The following FANCB variants were observed in gnomAD, a reference collection of about 807,000 sequenced individuals.
The protein encoded by FANCB is FA complementation group B.
Under a neutral mutation model 38.9 loss-of-function variants are expected in FANCB, and 5 were observed. The ratio of observed to expected loss-of-function variants is 0.13; its 90% CI spans 0.07 to 0.27. FANCB has a LOEUF of 0.27. Among genes scored for constraint, FANCB ranks in the 10% least tolerant of loss-of-function variants. FANCB has a pLI of 1.00. For synonymous variants in FANCB, 236 were observed against 215.4 expected, an observed-to-expected ratio of 1.10 and a Z score of -0.84; for missense variants, 573 against 602.7, an observed-to-expected ratio of 0.95 and a Z score of 0.52.
the FANCB span, among the ~76,000 whole-genome samples, chrX:14,791,439 C>T: frequency 2.7e-5 from 3 of 111,794 alleles, no homozygotes; most frequent in Non-Finnish European, 5.6e-5. Flanking sequence ...GCTGCTGACA[C>T]CTTGATCTTG....
chrX:14,857,908 T>G lies in FANCB; in HGVS notation c.1151A>C (p.Gln384Pro). 2.5e-6 allele frequency: 3 copies of G among 1,194,034 alleles called. No homozygotes were observed. Among genetic ancestry groups the G allele is most frequent in the South Asian group, 1.8e-5 (1 of 56,516 alleles). Residue 384 changes from glutamine (Q) to proline (P), a missense_variant, in exon 5 of 10, where the codon CAA (glutamine) becomes CCA (proline). Coordinates refer to ENST00000650831, the MANE Select transcript of FANCB (RefSeq NM_001018113.3). ...CNEDDLFEDK[Q>P]ENRYLVVPPL... is the part of the protein sequence containing the mutation. ...TGGAACCACCAGGTAACGATTCTCT[T>G]GTTTGTCTTCAAATAAGTCATCTTC...
the FANCB span, among the ~76,000 whole-genome samples, chrX:14,805,860 C>T: frequency 6.2e-5 from 7 of 112,091 alleles, no homozygotes; most frequent in Non-Finnish European, 1.9e-5. Flanking sequence ...AGCTCAACAA[C>T]ATTCCTGTAC....
At chrX:14,759,266 A>C in the FANCB span, among the ~76,000 whole-genome samples, 1 of 111,791 alleles carries the variant, frequency 8.9e-6, no homozygotes, top group Non-Finnish European at 1.9e-5. Context: ...CCTGAGGGAG[A>C]AGAGAAATGT....
At chrX:14,785,935 C>G in the FANCB span, among the ~76,000 whole-genome samples, 9 of 111,499 alleles carry the variant, frequency 8.1e-5, no homozygotes, top group Non-Finnish European at 3.8e-5. Context: ...AACCTCATGG[C>G]TACAGGAGTG....
At chrX:14,738,745 A>G in the FANCB span, among the ~76,000 whole-genome samples, 1 of 112,288 alleles carries the variant, frequency 8.9e-6, no homozygotes, top group Non-Finnish European at 1.9e-5. Flanking sequence ...AACCGATGCT[A>G]CAAACCAGAC....
At chrX:14,824,856 A>G in the FANCB span, among the ~76,000 whole-genome samples, 2 of 112,064 alleles carry the variant, frequency 1.8e-5, no homozygotes, top group Non-Finnish European at 3.8e-5. Context: ...GTATTTTCAT[A>G]TGTTGTTCAT....
At chrX:14,832,049 C>T (rs1416744894), downstream of FANCB, among the ~76,000 whole-genome samples, 1 of 111,816 alleles carries the variant, frequency 8.9e-6, no homozygotes, top group Non-Finnish European at 1.9e-5. Context: ...TTCCAACATA[C>T]ACTTGATTTT....
chrX:14,765,480 T>C, the FANCB span, among the ~76,000 whole-genome samples: 7 of 112,442 alleles, frequency 6.2e-5, no homozygotes, highest in Non-Finnish European at 9.4e-5. Flanking sequence ...AGTTCCACCA[T>C]TAAAGGAGCA....
the FANCB span, among the ~76,000 whole-genome samples, chrX:14,710,199 T>C: frequency 8.9e-6 from 1 of 112,027 alleles, no homozygotes; most frequent in South Asian, 3.7e-4. Context: ...TTCTCAGTTC[T>C]TGAGTTTACT....
chrX:14,737,344 A>G, the FANCB span, among the ~76,000 whole-genome samples: 12 of 112,458 alleles, frequency 1.1e-4, no homozygotes, highest in Non-Finnish European at 1.5e-4. Context: ...TTCCTTAACC[A>G]AAGATATTAA....
At chrX:14,702,527 T>A in the FANCB span, among the ~76,000 whole-genome samples, 133 of 112,348 alleles carry the variant, frequency 1.2e-3, 1 homozygote, top group African/African-American at 4.1e-3. Context: ...AAGCTTGTCT[T>A]AAGTGTGAAT....
chrX:14,795,510 G>A, the FANCB span, among the ~76,000 whole-genome samples: 2 of 110,969 alleles, frequency 1.8e-5, no homozygotes, highest in African/African-American at 6.6e-5. Flanking sequence ...GAGGAGAGAG[G>A]GTGTGATGCA....
the FANCB span, among the ~76,000 whole-genome samples, chrX:14,782,950 G>A: frequency 9.0e-6 from 1 of 111,247 alleles, no homozygotes; most frequent in Non-Finnish European, 1.9e-5. Flanking sequence ...GAGTAGCAAG[G>A]AAGGAAAATG....
At chrX:14,773,241 C>G in the FANCB span, among the ~76,000 whole-genome samples, 1 of 112,393 alleles carries the variant, frequency 8.9e-6, no homozygotes, top group Non-Finnish European at 1.9e-5. Context: ...TAAGTGAAAG[C>G]TAAAACTTTA....
chrX:14,766,608 T>C, the FANCB span, among the ~76,000 whole-genome samples: 664 of 111,957 alleles, frequency 5.9e-3, 4 homozygotes, highest in South Asian at 0.011. Flanking sequence ...GAAGAATACA[T>C]CATTAGGCCA....
At chrX:14,725,879 G>A in the FANCB span, among the ~76,000 whole-genome samples, 1,564 of 112,386 alleles carry the variant, frequency 0.014, 25 homozygotes, top group African/African-American at 0.041. Context: ...TCTTATCAAA[G>A]TGCGATATAA....
intron 7 of FANCB, among the ~76,000 whole-genome samples, chrX:14,846,726 A>C (rs2092378642): frequency 9.0e-6 from 1 of 110,666 alleles, no homozygotes; most frequent in Non-Finnish European, 1.9e-5. Context: ...AATACAGGAG[A>C]CAGAGAAACA....
At chrX:14,749,724 G>A in the FANCB span, among the ~76,000 whole-genome samples, 1 of 111,996 alleles carries the variant, frequency 8.9e-6, no homozygotes, top group Non-Finnish European at 1.9e-5. Context: ...ACGTCAGAGA[G>A]GAGCCAAAAG....
chrX:14,813,628 G>A, the FANCB span, among the ~76,000 whole-genome samples: 1 of 111,439 alleles, frequency 9.0e-6, no homozygotes, highest in African/African-American at 3.3e-5. Context: ...GGGATGGGAA[G>A]GACCTCTTCA....
Sources: gnomAD v4.1 joint callset for allele counts (sites outside exome capture counted in the v4.1 genomes callset) on GRCh38, gnomAD v4.1.1 for gene constraint, MANE v1.5 for transcripts, NCBI Gene and HGNC (gene_info 2026-07-23, HGNC 2026-07-21) for gene names.